PTPRD: variants seen among roughly 807,000 people sequenced by gnomAD.
PTPRD encodes receptor-type tyrosine-protein phosphatase delta.
Under a neutral mutation model 214.5 loss-of-function variants are expected in PTPRD, and 34 were observed. The ratio of observed to expected loss-of-function variants is 0.16; its 90% CI spans 0.12 to 0.21. The LOEUF (loss-of-function observed/expected upper bound fraction) is 0.21, where lower values mean the gene tolerates loss of function less well. PTPRD is among the 10% of genes least tolerant of loss of function. The pLI, the probability that PTPRD is intolerant of heterozygous loss-of-function variation, is 1.00. For synonymous variants in PTPRD, 1,128 were observed against 845.7 expected (o/e 1.33, Z -5.79); for missense variants, 2,545 against 2,398.7 (o/e 1.06, Z -1.27).
intron 7 of PTPRD, among the ~76,000 whole-genome samples, chr9:9,727,949 G>T (rs547961274): frequency 5.9e-5 from 9 of 152,154 alleles, no homozygotes; most frequent in Non-Finnish European, 8.8e-5. Flanking sequence ...ATCCCATCTT[G>T]AATTGTAGCT....
At chr9:9,729,736 T>A (rs1433218950) in intron 7 of PTPRD, among the ~76,000 whole-genome samples, 1 of 151,634 alleles carries the variant, frequency 6.6e-6, no homozygotes, top group Non-Finnish European at 1.5e-5. Flanking sequence ...CCAATCCCTA[T>A]CAAATGGTTT....
In PTPRD at chr9:8,341,686, AC is replaced by A; in HGVS notation, c.4947+6del. ...CCTGAATAACCACATCACATCCAATACCATACCTTAAATTCGAGCTCCATTC... is the reference window on the plus strand; with the variant it reads ...CCTGAATAACCACATCACATCCAATACATACCTTAAATTCGAGCTCCATTC... On this transcript the variant is annotated splice_donor_region_variant and intron_variant, in intron 40 of 45. Coordinates refer to ENST00000381196, the MANE Select transcript of PTPRD (RefSeq NM_002839.4). 6.2e-7 allele frequency: 1 copy of A among 1,612,830 alleles called. No homozygotes were observed.
At chr9:9,419,310 GCT>G (rs2077982611) in intron 8 of PTPRD, among the ~76,000 whole-genome samples, 1 of 151,474 alleles carries the variant, frequency 6.6e-6, no homozygotes, top group Non-Finnish European at 1.5e-5. Context: ...ATTTAATCAA[GCT>G]ATTTCTAAAC....
chr9:10,521,272 G>A (rs747697375), intron 2 of PTPRD, among the ~76,000 whole-genome samples: 11 of 152,066 alleles, frequency 7.2e-5, no homozygotes, highest in Non-Finnish European at 2.9e-5. Context: ...TACTACAGAG[G>A]TGGTGGAAAC....
chr9:9,397,591 TTAAG>T (rs2068392327), intron 8 of PTPRD, 109 bp from the exon 9 acceptor site: 1 of 152,240 alleles, frequency 6.6e-6, no homozygotes, highest in Non-Finnish European at 1.5e-5. Context: ...CAAAATAAAA[TTAAG>T]TAAGCAATGA....
chr9:8,836,001 T>C (rs905043397), intron 11 of PTPRD, among the ~76,000 whole-genome samples: 2 of 152,182 alleles, frequency 1.3e-5, no homozygotes, highest in Non-Finnish European at 2.9e-5. Context: ...TGTAACACAG[T>C]AGGAACTTCA....
At chr9:9,577,922 T>C (rs1325549911) in intron 7 of PTPRD, among the ~76,000 whole-genome samples, 2 of 151,596 alleles carry the variant, frequency 1.3e-5, no homozygotes, top group African/African-American at 4.8e-5. Context: ...AGTGCACACC[T>C]GTAGTCCCAG....
intron 10 of PTPRD, among the ~76,000 whole-genome samples, chr9:9,063,483 A>T (rs970302656): frequency 3.9e-5 from 6 of 152,152 alleles, no homozygotes; most frequent in African/African-American, 1.4e-4. Flanking sequence ...GTTTCCAAGT[A>T]CTGTAGTATG....
chr9:10,281,923 T>A (rs575483546), intron 3 of PTPRD, among the ~76,000 whole-genome samples: 1 of 152,034 alleles, frequency 6.6e-6, no homozygotes. Flanking sequence ...TCATCTGAAA[T>A]TCCTGAGCTT....
intron 10 of PTPRD, among the ~76,000 whole-genome samples, chr9:9,175,910 T>C (rs1281968981): frequency 6.6e-6 from 1 of 152,076 alleles, no homozygotes; most frequent in Non-Finnish European, 1.5e-5. Flanking sequence ...CCCAAATCTG[T>C]AGGCCTGAAA....
intron 3 of PTPRD, among the ~76,000 whole-genome samples, chr9:10,065,843 G>A (rs944136577): frequency 5.3e-5 from 8 of 151,864 alleles, no homozygotes; most frequent in African/African-American, 1.9e-4. Context: ...GTTATACTGG[G>A]GGGAGTGGGC....
chr9:8,661,566 T>G (rs1193894906), intron 12 of PTPRD, among the ~76,000 whole-genome samples: 1 of 152,170 alleles, frequency 6.6e-6, no homozygotes, highest in African/African-American at 2.4e-5. Flanking sequence ...TAAGAATAGC[T>G]GTAATTTTAC....
chr9:9,651,092 C>A (rs1307089209), intron 7 of PTPRD, among the ~76,000 whole-genome samples: 1 of 152,052 alleles, frequency 6.6e-6, no homozygotes, highest in Non-Finnish European at 1.5e-5. Flanking sequence ...CATGGTTACT[C>A]TTCTAATAAC....
At chr9:9,997,752 TG>T (rs551156360) in intron 4 of PTPRD, among the ~76,000 whole-genome samples, 19 of 152,172 alleles carry the variant, frequency 1.2e-4, no homozygotes, top group Admixed American at 6.5e-4. Context: ...AGTATTGATA[TG>T]CTAATGTGGG....
At chr9:10,152,256 G>C (rs1334772031) in intron 3 of PTPRD, among the ~76,000 whole-genome samples, 1 of 151,918 alleles carries the variant, frequency 6.6e-6, no homozygotes, top group East Asian at 1.9e-4. Flanking sequence ...GTTTCAATCT[G>C]TATTTGCCTA....
At chr9:9,861,597 T>C (rs2062794747) in intron 5 of PTPRD, among the ~76,000 whole-genome samples, 2 of 152,166 alleles carry the variant, frequency 1.3e-5, no homozygotes, top group Non-Finnish European at 2.9e-5. Flanking sequence ...CCGAAATAGT[T>C]ATTTTTTATC....
chr9:9,784,622 A>G (rs1017348853), intron 5 of PTPRD, among the ~76,000 whole-genome samples: 1 of 151,970 alleles, frequency 6.6e-6, no homozygotes, highest in Non-Finnish European at 1.5e-5. Context: ...TAGCAGATCA[A>G]TAACCTAGCA....
chr9:9,587,977 C>T (rs116071480), intron 7 of PTPRD, among the ~76,000 whole-genome samples: 321 of 151,984 alleles, frequency 2.1e-3, no homozygotes, highest in African/African-American at 7.3e-3. Context: ...ATTTTGTATA[C>T]TTCAAAGTAA....
At chr9:10,344,007 T>TTTTTTTTG (rs1253555165) in intron 2 of PTPRD, among the ~76,000 whole-genome samples, 7 of 139,480 alleles carry the variant, frequency 5.0e-5, no homozygotes, top group African/African-American at 8.1e-5. Flanking sequence ...TTTTTTTTTT[T>TTTTTTTTG]GCTGTGCAGA....
Sources: gnomAD v4.1 joint callset for allele counts (sites outside exome capture counted in the v4.1 genomes callset) on GRCh38, gnomAD v4.1.1 for gene constraint, MANE v1.5 for transcripts, NCBI Gene and HGNC (gene_info 2026-07-23, HGNC 2026-07-21) for gene names.